The following HMBOX1 variants were observed in gnomAD, a reference collection of about 807,000 sequenced individuals.
The protein encoded by HMBOX1 is homeobox containing 1, also known as homeobox-containing protein 1.
HMBOX1 carries 14 observed loss-of-function variants against 54.5 expected under a neutral mutation model. That is an observed-to-expected ratio of 0.26 (90% CI 0.17 to 0.40). HMBOX1 has a LOEUF of 0.40. Ranked by LOEUF, HMBOX1 falls within the 10% of genes least tolerant of loss-of-function variation. The pLI, the probability that HMBOX1 is intolerant of heterozygous loss-of-function variation, is 1.00. For missense variants in HMBOX1, 332 were observed against 514.4 expected (o/e 0.65, Z 3.43); for synonymous variants, 160 against 181.0 (o/e 0.88, Z 0.93).
intron 1 of HMBOX1, among the ~76,000 whole-genome samples, chr8:28,929,775 C>A (rs1015392638): frequency 1.1e-4 from 16 of 152,122 alleles, no homozygotes; most frequent in African/African-American, 3.9e-4. Context: ...GAGGCCCACT[C>A]TTGACTATTT....
At chr8:29,005,507 T>G (rs1387387889) in intron 4 of HMBOX1, among the ~76,000 whole-genome samples, 1 of 152,250 alleles carries the variant, frequency 6.6e-6, no homozygotes, top group Non-Finnish European at 1.5e-5. Context: ...TCTTTCCATA[T>G]TGATACATAT....
At chr8:28,973,631 C>G (rs559115325) in intron 3 of HMBOX1, among the ~76,000 whole-genome samples, 21 of 151,982 alleles carry the variant, frequency 1.4e-4, no homozygotes, top group Non-Finnish European at 2.5e-4. Context: ...GTGGTAGTCT[C>G]TGGTGGGGGA....
intron 1 of HMBOX1, among the ~76,000 whole-genome samples, chr8:28,945,041 C>T (rs1205365271): frequency 6.6e-6 from 1 of 152,150 alleles, no homozygotes; most frequent in Non-Finnish European, 1.5e-5. Context: ...AGCAAGTGTT[C>T]TCAATAAGCC....
intron 1 of HMBOX1, among the ~76,000 whole-genome samples, chr8:28,921,197 G>A (rs1167872720): frequency 6.6e-6 from 1 of 152,076 alleles, no homozygotes; most frequent in African/African-American, 2.4e-5. Context: ...TAGCCAGGTG[G>A]TAGTGGCATA....
At chr8:28,981,047 A>G (rs892894300) in intron 4 of HMBOX1, among the ~76,000 whole-genome samples, 36 of 152,162 alleles carry the variant, frequency 2.4e-4, no homozygotes, top group African/African-American at 8.4e-4. Context: ...GATCTTCAAC[A>G]ATAACTTATG....
intron 1 of HMBOX1, among the ~76,000 whole-genome samples, chr8:28,927,295 A>G (rs144224752): frequency 6.6e-6 from 1 of 152,306 alleles, no homozygotes; most frequent in African/African-American, 2.4e-5. Flanking sequence ...AAAGAAAAAT[A>G]TATATTTTAA....
chr8:28,974,358 A>G (rs1377525479), intron 3 of HMBOX1, among the ~76,000 whole-genome samples: 1 of 152,178 alleles, frequency 6.6e-6, no homozygotes, highest in Non-Finnish European at 1.5e-5. Context: ...TAATATATAA[A>G]TATATGTGTA....
At chr8:28,980,789 C>A (rs997451318) in intron 4 of HMBOX1, among the ~76,000 whole-genome samples, 1 of 151,984 alleles carries the variant, frequency 6.6e-6, no homozygotes, top group Non-Finnish European at 1.5e-5. Flanking sequence ...GTGTGATCTT[C>A]CTTTCTTAGA....
chr8:28,902,406 G>C (rs558048949), intron 1 of HMBOX1, among the ~76,000 whole-genome samples: 81 of 152,076 alleles, frequency 5.3e-4, no homozygotes, highest in Non-Finnish European at 1.0e-3. Context: ...TTAGATGTAG[G>C]CCTACCGTTC....
intron 4 of HMBOX1, among the ~76,000 whole-genome samples, chr8:29,003,631 C>A (rs1340104987): frequency 7.1e-6 from 1 of 140,206 alleles, no homozygotes; most frequent in Admixed American, 7.4e-5. Flanking sequence ...TGGATTCACA[C>A]CAAATAAGGA....
At chr8:29,001,663 A>G (rs1300416608) in intron 4 of HMBOX1, among the ~76,000 whole-genome samples, 2 of 152,236 alleles carry the variant, frequency 1.3e-5, no homozygotes, top group Admixed American at 6.5e-5. Flanking sequence ...TAATCTGTAA[A>G]TTGATTTGAG....
intron 1 of HMBOX1, among the ~76,000 whole-genome samples, chr8:28,908,624 G>A (rs992904871): frequency 3.3e-5 from 5 of 152,026 alleles, no homozygotes; most frequent in African/African-American, 4.8e-5. Context: ...GCATGGTGGC[G>A]CATGCCTGTA....
chr8:28,937,907 AT>A (rs1008680542), intron 1 of HMBOX1, among the ~76,000 whole-genome samples: 2 of 151,886 alleles, frequency 1.3e-5, no homozygotes, highest in Admixed American at 6.6e-5. Context: ...CTTATCCATA[AT>A]TTTTTTTATA....
chr8:29,009,326 G>A (rs968161262), intron 5 of HMBOX1, 144 bp downstream of exon 5: 28 of 1,049,626 alleles, frequency 2.7e-5, no homozygotes, highest in Non-Finnish European at 3.3e-5. Flanking sequence ...ACTCTTAACA[G>A]TAAAAGCTAA....
intron 1 of HMBOX1, among the ~76,000 whole-genome samples, chr8:28,920,726 A>G (rs1457509614): frequency 5.9e-5 from 9 of 152,192 alleles, no homozygotes; most frequent in Non-Finnish European, 7.3e-5. Flanking sequence ...GTGTAGAAGG[A>G]AAGTGCTTAA....
intron 1 of HMBOX1, among the ~76,000 whole-genome samples, chr8:28,930,257 C>A (rs572628706): frequency 6.6e-6 from 1 of 152,118 alleles, no homozygotes; most frequent in Non-Finnish European, 1.5e-5. Flanking sequence ...GGTCTAAGAC[C>A]TGGTAGCCTT....
chr8:29,007,580 G>A (rs1481552741), intron 4 of HMBOX1, among the ~76,000 whole-genome samples: 3 of 152,166 alleles, frequency 2.0e-5, no homozygotes, highest in Non-Finnish European at 4.4e-5. Flanking sequence ...CACTTTGGGA[G>A]GCCAAGGCAG....
intron 6 of HMBOX1, among the ~76,000 whole-genome samples, chr8:29,037,400 CTT>C (rs936263777): frequency 5.3e-5 from 8 of 152,080 alleles, no homozygotes; most frequent in Non-Finnish European, 1.0e-4. Context: ...AGACAGCAAA[CTT>C]TATTTTCAAA....
chr8:28,921,017 A>G (rs1817465605), intron 1 of HMBOX1, among the ~76,000 whole-genome samples: 1 of 152,244 alleles, frequency 6.6e-6, no homozygotes, highest in Admixed American at 6.5e-5. Context: ...CTTTAAAACA[A>G]ACATTTCATA....
Sources: gnomAD v4.1 joint callset for allele counts (sites outside exome capture counted in the v4.1 genomes callset) on GRCh38, gnomAD v4.1.1 for gene constraint, MANE v1.5 for transcripts, NCBI Gene and HGNC (gene_info 2026-07-23, HGNC 2026-07-21) for gene names.